The following PHF11 variants were observed in gnomAD, a reference collection of about 807,000 sequenced individuals.
PHF11 encodes the protein PHD finger protein 11.
Under a neutral mutation model 40.5 loss-of-function variants are expected in PHF11, and 38 were observed. The ratio of observed to expected loss-of-function variants is 0.94; its 90% CI spans 0.72 to 1.23. The LOEUF is 1.23. PHF11 is among the 50% of genes most tolerant of loss of function. The pLI is 0.00. For missense variants in PHF11, 369 were observed against 392.4 expected, an observed-to-expected ratio of 0.94 and a Z score of 0.50; for synonymous variants, 127 against 138.2, an observed-to-expected ratio of 0.92 and a Z score of 0.57.
chr13:49,501,284 A>G (rs1958905124), intron 1 of PHF11, among the ~76,000 whole-genome samples: 1 of 152,046 alleles, frequency 6.6e-6, no homozygotes, highest in Admixed American at 6.6e-5. Context: ...AAGTGCTGGG[A>G]TTATAGGTGT....
rs1958869350 is a variant in PHF11, at chr13:49,499,294, A to G, written c.94+3199A>G. ...AGCAGGTCCTCTGGGACTATCAGCTATGTCTAGAGGAATGAAGTACAAACA... is the reference window on the plus strand; with the variant it reads ...AGCAGGTCCTCTGGGACTATCAGCTGTGTCTAGAGGAATGAAGTACAAACA... On this transcript the variant is annotated intron_variant, in intron 1 of 9. Coordinates refer to ENST00000378319, the MANE Select transcript of PHF11 (RefSeq NM_001040443.3). Among the ~76,000 whole-genome samples, 3 of 152,210 alleles carry G rather than the reference A, an allele frequency of 2.0e-5. 1 individual carries two copies. In the South Asian group the frequency reaches 6.2e-4, roughly 31 times the overall value.
At chr13:49,497,157 G>A (rs1206604444) in intron 1 of PHF11, 4 of 1,289,332 alleles carry the variant, frequency 3.1e-6, no homozygotes, top group Admixed American at 2.3e-5. Flanking sequence ...AACATCATAC[G>A]TGGCAACCAC....
At chr13:49,508,351 C>A (rs1250864185) in intron 2 of PHF11, among the ~76,000 whole-genome samples, 1 of 139,956 alleles carries the variant, frequency 7.1e-6, no homozygotes, top group African/African-American at 2.7e-5. Flanking sequence ...TTACTATATT[C>A]ATATATTCAT....
intron 1 of PHF11, among the ~76,000 whole-genome samples, chr13:49,497,761 G>T (rs574067150): frequency 6.6e-6 from 1 of 152,234 alleles, no homozygotes; most frequent in South Asian, 2.1e-4. Flanking sequence ...GTCCTTATCT[G>T]ATTTGACTCC....
chr13:49,506,898 C>CTTTTTTTTT (rs1169962633), intron 2 of PHF11, 142 bp downstream of exon 2: 5 of 144,040 alleles, frequency 3.5e-5, no homozygotes, highest in South Asian at 8.2e-5. Flanking sequence ...GGGAGCATTT[C>CTTTTTTTTT]TTTTTTTTTT....
In PHF11 at chr13:49,506,767, TG is replaced by T. The variant is rs755388430; in HGVS notation, c.216+12del. 6.3e-7 allele frequency: 1 copy of T among 1,598,906 alleles called. No homozygotes were observed. Among genetic ancestry groups the T allele is most frequent in the Non-Finnish European group, 8.6e-7 (1 of 1,168,662 alleles). The stretch of plus-strand genomic sequence containing the variant: ...CATGAGAATTGTTTGGTAAGTTACT[TG>T]AAAACATACTTCAAAGTACATGAGT... On this transcript the variant is annotated intron_variant, in intron 2 of 9. Transcript: ENST00000378319.
intron 1 of PHF11, among the ~76,000 whole-genome samples, chr13:49,498,000 C>T (rs1958840751): frequency 6.6e-6 from 1 of 152,230 alleles, no homozygotes; most frequent in South Asian, 2.1e-4. Context: ...CTGCTCCTGT[C>T]ACTCTCTACC....
intron 8 of PHF11, among the ~76,000 whole-genome samples, chr13:49,524,635 T>C (rs374010038): frequency 2.0e-4 from 30 of 152,204 alleles, no homozygotes; most frequent in African/African-American, 7.0e-4. Flanking sequence ...CCACTACGCC[T>C]GGCTAATTTT....
intron 1 of PHF11, among the ~76,000 whole-genome samples, chr13:49,504,835 T>TA (rs530754177): frequency 0.017 from 2,571 of 151,344 alleles, 65 homozygotes; most frequent in African/African-American, 0.059. Context: ...TAGAAAGAAG[T>TA]AGACATGGGA....
chr13:49,522,762 T>TG lies in PHF11; in HGVS notation c.571-413_571-412insG, dbSNP rs1287792034. Among the ~76,000 whole-genome samples, 286 of 41,248 alleles carry TG rather than the reference T, an allele frequency of 6.9e-3. 5 individuals carry two copies. The highest frequency in any genetic ancestry group is 0.02 in the African/African-American group (270 of 13,516). 27.1% of individuals were successfully genotyped at this position (41,248 alleles called of 152,430 possible). A position where few individuals can be genotyped will look rare whatever the true frequency, so the allele number is the denominator to read the frequency against. ...TACATCTAAATATGAATATGGGGTTTTTTTGTTTTTTTTTTTTTTTGAGAC... is the reference window on the plus strand; with the variant it reads ...TACATCTAAATATGAATATGGGGTTTGTTTTGTTTTTTTTTTTTTTTGAGAC... On this transcript the variant is annotated intron_variant, in intron 6 of 9. Coordinates refer to ENST00000378319, the MANE Select transcript of PHF11 (RefSeq NM_001040443.3).
At chr13:49,497,904 G>C (rs1257809714) in intron 1 of PHF11, among the ~76,000 whole-genome samples, 3 of 152,068 alleles carry the variant, frequency 2.0e-5, no homozygotes, top group African/African-American at 7.2e-5. Flanking sequence ...CCCATTTTCA[G>C]TTCCCCATCA....
At position 49,506,775 on chromosome 13, in the gene PHF11, T is replaced by A; in HGVS notation, c.216+19T>A. The A allele has an allele frequency of 6.3e-7, 1 of 1,581,868 alleles. No homozygotes were observed. On this transcript the variant is annotated intron_variant, in intron 2 of 9. Coordinates refer to ENST00000378319, the MANE Select transcript of PHF11 (RefSeq NM_001040443.3). ...TTGTTTGGTAAGTTACTTGAAAACA[T>A]ACTTCAAAGTACATGAGTACTTTTA...
Position 49,496,007 on chromosome 13 carries a change from C to CAGGCGTCATGGGCA in PHF11, c.6_7insAGGCGTCATGGGCA (p.Gln3ArgfsTer68). 1 of 1,482,552 alleles carries CAGGCGTCATGGGCA rather than the reference C, an allele frequency of 6.7e-7. No homozygotes were observed. The highest frequency in any genetic ancestry group is 8.9e-7 in the Non-Finnish European group (1 of 1,123,528). 91.8% of individuals were successfully genotyped at this position (1,482,552 alleles called of 1,614,324 possible). A position where few individuals can be genotyped will look rare whatever the true frequency, so the allele number is the denominator to read the frequency against. On this transcript the variant is annotated frameshift_variant, in exon 1 of 10. Transcript: ENST00000378319. LOFTEE classifies it high-confidence loss of function. The stretch of plus-strand genomic sequence containing the variant: ...CCCGCAGCTGCAGCACAGTCATGGC[C>CAGGCGTCATGGGCA]CAGGCGTCGCCGCCCCGGCCCGAGA...
At chr13:49,517,782 C>T (rs770408842) in intron 3 of PHF11, among the ~76,000 whole-genome samples, 1 of 152,136 alleles carries the variant, frequency 6.6e-6, no homozygotes, top group Non-Finnish European at 1.5e-5. Context: ...TTAATCAGAT[C>T]ATTACAAAAC....
chr13:49,505,467 T>C (rs1221438245), intron 1 of PHF11, among the ~76,000 whole-genome samples: 1 of 152,236 alleles, frequency 6.6e-6, no homozygotes, highest in Non-Finnish European at 1.5e-5. Flanking sequence ...CTTAAGCAGT[T>C]AACCTCATCT....
chr13:49,504,171 T>A (rs988643538), intron 1 of PHF11, among the ~76,000 whole-genome samples: 7 of 152,064 alleles, frequency 4.6e-5, no homozygotes, highest in Admixed American at 1.3e-4. Context: ...GCTCTCAGGC[T>A]GGGTGCAGTG....
intron 1 of PHF11, among the ~76,000 whole-genome samples, chr13:49,497,449 G>A (rs974617882): frequency 3.9e-5 from 6 of 152,006 alleles, no homozygotes; most frequent in Non-Finnish European, 8.8e-5. Flanking sequence ...TCTTTCCTCC[G>A]GACACCCCTT....
chr13:49,511,484 G>T (rs1254661815), intron 2 of PHF11, among the ~76,000 whole-genome samples: 1 of 151,940 alleles, frequency 6.6e-6, no homozygotes, highest in Non-Finnish European at 1.5e-5. Flanking sequence ...CTGCCACCAT[G>T]CCCAGCTAAT....
Position 49,496,110 on chromosome 13 carries a change from G to A in PHF11, c.94+15G>A. ...CCTTCCCACCGGTGTGTACCGCGGG[G>A]GCGGGCGGGCGGGCGGGCGGGGCTG... On this transcript the variant is annotated intron_variant, in intron 1 of 9. Coordinates refer to ENST00000378319, the MANE Select transcript of PHF11 (RefSeq NM_001040443.3). 1 of 144,154 alleles carries A rather than the reference G, an allele frequency of 6.9e-6. No individual in the cohort carries two copies. Among genetic ancestry groups the A allele is most frequent in the Non-Finnish European group, 8.4e-6 (1 of 118,622 alleles). The allele number at this position is 144,154 out of a possible 1,614,324, so 8.9% of individuals were successfully genotyped here. A position where few individuals can be genotyped will look rare whatever the true frequency, so the allele number is the denominator to read the frequency against.
Sources: allele counts gnomAD v4.1 joint callset (sites outside exome capture counted in the v4.1 genomes callset), GRCh38; gene constraint gnomAD v4.1.1; transcripts MANE v1.5; gene names NCBI Gene and HGNC (gene_info 2026-07-23, HGNC 2026-07-21).